The following WDFY4 variants were observed in gnomAD, a reference collection of about 807,000 sequenced individuals.
The protein encoded by WDFY4 is WDFY family member 4.
WDFY4 carries 169 observed loss-of-function variants against 351.9 expected under a neutral mutation model. That is an observed-to-expected ratio of 0.48 (90% CI 0.42 to 0.55). The LOEUF (loss-of-function observed/expected upper bound fraction) is 0.55, where lower values mean the gene tolerates loss of function less well. WDFY4 is among the 20% of genes least tolerant of loss of function. The pLI, the probability that WDFY4 is intolerant of heterozygous loss-of-function variation, is 0.00. For missense variants in WDFY4, 3,803 were observed against 3,935.6 expected, an observed-to-expected ratio of 0.97 and a Z score of 0.90; for synonymous variants, 1,622 against 1,574.6, an observed-to-expected ratio of 1.03 and a Z score of -0.71.
intron 37 of WDFY4, among the ~76,000 whole-genome samples, chr10:48,829,527 C>T (rs535892594): frequency 4.5e-4 from 68 of 152,278 alleles, no homozygotes; most frequent in African/African-American, 1.6e-3. Flanking sequence ...CAGACTGTTA[C>T]ACTTACCTAG....
chr10:48,957,640 C>A (rs900894287), intron 52 of WDFY4, among the ~76,000 whole-genome samples: 5 of 152,240 alleles, frequency 3.3e-5, no homozygotes, highest in African/African-American at 7.2e-5. Context: ...TGGCCCCGAC[C>A]AGTCCCATTT....
At chr10:48,849,199 A>G (rs1417340874) in intron 39 of WDFY4, among the ~76,000 whole-genome samples, 2 of 152,250 alleles carry the variant, frequency 1.3e-5, no homozygotes, top group East Asian at 1.9e-4. Flanking sequence ...AAAAAATAAT[A>G]AAGAAGACAG....
intron 2 of WDFY4, among the ~76,000 whole-genome samples, chr10:48,717,758 T>A (rs1227264373): frequency 1.3e-5 from 2 of 152,258 alleles, no homozygotes; most frequent in Non-Finnish European, 2.9e-5. Flanking sequence ...CAGTACTATA[T>A]AGTATCCTAT....
At position 48,890,606 on chromosome 10, in the gene WDFY4, G is replaced by A. The variant is rs142643091; in HGVS notation, c.7195G>A (p.Val2399Met). The A allele has an allele frequency of 3.9e-4, 599 of 1,551,722 alleles. 3 individuals carry two copies. The East Asian group carries it at 0.012, about 32-fold the overall frequency. The stretch of plus-strand genomic sequence containing the variant: ...GACGCAGAAGTTCTCCCTGGTGATT[G>A]TGCAGGGCCACCTGGTGTCAGAAGG... Reference protein sequence around the residue: ...KVTQKFSLVIVQGHLVSEGVL... With the variant: ...KVTQKFSLVIMQGHLVSEGVL... The change falls in exon 44 of 62, where the codon GTG (valine) becomes ATG (methionine). Residue 2399 changes from valine to methionine, a missense_variant. Transcript: ENST00000325239.
intron 40 of WDFY4, among the ~76,000 whole-genome samples, chr10:48,870,015 T>A (rs561295581): frequency 6.6e-5 from 10 of 152,372 alleles, no homozygotes; most frequent in African/African-American, 2.4e-4. Flanking sequence ...TTCCGTGCTC[T>A]GCTTCCTCTG....
chr10:48,874,142 A>T (rs1268461548), intron 41 of WDFY4, among the ~76,000 whole-genome samples: 1 of 152,246 alleles, frequency 6.6e-6, no homozygotes, highest in Non-Finnish European at 1.5e-5. Flanking sequence ...AAATTTTACG[A>T]TGAAAATCTC....
intron 47 of WDFY4, chr10:48,914,112 A>T (rs960150015): frequency 6.2e-7 from 1 of 1,614,162 alleles, no homozygotes; most frequent in Non-Finnish European, 8.5e-7. Flanking sequence ...GGCCACCTTG[A>T]GGGTGATCTT....
chr10:48,729,317 G>A (rs969486156), intron 7 of WDFY4, 115 bp from the exon 8 acceptor site: 6 of 1,446,646 alleles, frequency 4.1e-6, no homozygotes, highest in Admixed American at 4.6e-5. Flanking sequence ...GCAGACCTGT[G>A]GGGTCTTCCC....
chr10:48,852,200 A>T (rs2068978037), intron 39 of WDFY4, among the ~76,000 whole-genome samples: 1 of 152,158 alleles, frequency 6.6e-6, no homozygotes, highest in Admixed American at 6.5e-5. Context: ...CTCAAAGGCC[A>T]GTGGGAAGGT....
At chr10:48,889,063 G>A (rs552274243) in intron 43 of WDFY4, among the ~76,000 whole-genome samples, 22 of 152,228 alleles carry the variant, frequency 1.4e-4, no homozygotes, top group Non-Finnish European at 2.8e-4. Context: ...ATGACCACCT[G>A]GATGAATGAA....
At chr10:48,884,564 G>A (rs1411297777) in intron 43 of WDFY4, among the ~76,000 whole-genome samples, 1 of 147,828 alleles carries the variant, frequency 6.8e-6, no homozygotes, top group Non-Finnish European at 1.5e-5. Context: ...ACACACACAT[G>A]CACACCTGAT....
chr10:48,907,823 A>T (rs1837699053), intron 47 of WDFY4, among the ~76,000 whole-genome samples: 1 of 152,154 alleles, frequency 6.6e-6, no homozygotes, highest in South Asian at 2.1e-4. Flanking sequence ...TGGTCCTTGG[A>T]TTTCTTGCTG....
chr10:48,766,241 GGAAAATCTCAGGTT>G (rs1227770668), intron 13 of WDFY4, among the ~76,000 whole-genome samples: 2 of 152,162 alleles, frequency 1.3e-5, no homozygotes, highest in African/African-American at 4.8e-5. Flanking sequence ...ATTCCTCAGT[GGAAAATCTCAGGTT>G]CTGGTCAAAA....
chr10:48,725,242 C>T (rs1406422651), intron 5 of WDFY4, among the ~76,000 whole-genome samples: 1 of 152,196 alleles, frequency 6.6e-6, no homozygotes, highest in Non-Finnish European at 1.5e-5. Context: ...TGATATTTGT[C>T]ACACTGGCAG....
rs562258989 is a variant in WDFY4, at chr10:48,938,565, G to A, written c.7587-3241G>A. Among the ~76,000 whole-genome samples the A allele has an allele frequency of 1.4e-3, 206 of 152,338 alleles. 1 individual carries two copies. Among genetic ancestry groups the A allele is most frequent in the Admixed American group, 3.7e-3 (56 of 15,310 alleles). Reference sequence around the variant, plus strand: ...CTCTGGGGGCCTGGTTTCAGGGTAGGGTGGAGGTGCTGTTTGGGTGGAGCT... The same window carrying A: ...CTCTGGGGGCCTGGTTTCAGGGTAGAGTGGAGGTGCTGTTTGGGTGGAGCT... On this transcript the variant is annotated intron_variant, in intron 47 of 61. Transcript: ENST00000325239.
chr10:48,725,917 G>A lies in WDFY4; in HGVS notation c.628G>A (p.Glu210Lys). 6.4e-7 allele frequency: 1 copy of A among 1,550,822 alleles called. No individual in the cohort carries two copies. The highest frequency in any genetic ancestry group is 8.7e-7 in the Non-Finnish European group (1 of 1,146,280). Residue 210 changes from glutamate to lysine, a missense_variant, in exon 6 of 62, where the codon GAG (glutamate) becomes AAG (lysine). Physicochemically the swap from Glu to Lys is moderately conservative, Grantham distance 56. Transcript: ENST00000325239. ...TATTTGCAGTGACTCTCAGGGCCTG[G>A]AGGGACTCCTCTCAGGAAGTGAGCT... is the stretch of plus-strand genomic sequence containing the variant. ...LNICSDSQGLEGLLSGSELQS... is the reference protein window; with the variant it reads ...LNICSDSQGLKGLLSGSELQS...
chr10:48,748,728 T>C (rs573385808), intron 12 of WDFY4, among the ~76,000 whole-genome samples: 7 of 152,328 alleles, frequency 4.6e-5, no homozygotes, highest in African/African-American at 1.4e-4. Flanking sequence ...TTGACCTTCC[T>C]TGATGGTTAG....
At chr10:48,968,988 G>C (rs1276923744) in intron 55 of WDFY4, 76 bp from the exon 56 acceptor site, 13 of 1,453,826 alleles carry the variant, frequency 8.9e-6, no homozygotes, top group Non-Finnish European at 1.1e-5. Flanking sequence ...GTCTGCCTGT[G>C]ACTCCTGCCT....
At chr10:48,856,046 T>C (rs2133200113) in intron 39 of WDFY4, among the ~76,000 whole-genome samples, 1 of 152,288 alleles carries the variant, frequency 6.6e-6, no homozygotes, top group South Asian at 2.1e-4. Context: ...CTATTGTAAC[T>C]ATATTTTTAA....
Sources: allele counts gnomAD v4.1 joint callset (sites outside exome capture counted in the v4.1 genomes callset), GRCh38; gene constraint gnomAD v4.1.1; transcripts MANE v1.5; gene names NCBI Gene and HGNC (gene_info 2026-07-23, HGNC 2026-07-21).